ERMARD: variants seen among roughly 807,000 people sequenced by gnomAD.
ERMARD encodes endoplasmic reticulum membrane-associated RNA degradation protein.
Under a neutral mutation model 83.9 loss-of-function variants are expected in ERMARD, and 71 were observed. The observed-to-expected ratio is 0.85, with a 90% CI of 0.70 to 1.03. ERMARD has a LOEUF of 1.03. Among genes scored for constraint, ERMARD ranks in the 50% least tolerant of loss-of-function variants. ERMARD has a pLI of 0.00. For synonymous variants in ERMARD, 284 were observed against 298.6 expected, an observed-to-expected ratio of 0.95 and a Z score of 0.50; for missense variants, 838 against 810.9, an observed-to-expected ratio of 1.03 and a Z score of -0.41.
upstream of ERMARD, chr6:169,751,454 T>C: frequency 6.2e-7 from 1 of 1,613,836 alleles, no homozygotes; most frequent in Middle Eastern, 1.6e-4. Context: ...GCCTCGCTTC[T>C]CCATCTCGCT....
chr6:169,770,781 A>T (rs1028876791), intron 12 of ERMARD: 5 of 151,962 alleles, frequency 3.3e-5, no homozygotes, highest in Non-Finnish European at 7.4e-5. Flanking sequence ...CACCATATCC[A>T]GCCAAGATTA....
Position 169,756,450 on chromosome 6 carries a change from G to T in ERMARD, c.417+11G>T. The T allele has an allele frequency of 6.4e-7, 1 of 1,559,914 alleles. No individual in the cohort carries two copies. On this transcript the variant is annotated intron_variant, in intron 4 of 17. Transcript: ENST00000366773. Reference sequence around the variant, plus strand: ...CGAGCCTTGGGTGATGTAAGTGTGAGAACTCTTTCATTATTGGCCCATTAA... The same window carrying T: ...CGAGCCTTGGGTGATGTAAGTGTGATAACTCTTTCATTATTGGCCCATTAA...
At chr6:169,769,782 C>T (rs1792677308) in intron 12 of ERMARD, 69 bp downstream of exon 12, 1 of 1,362,692 alleles carries the variant, frequency 7.3e-7, no homozygotes, top group African/African-American at 1.5e-5. Context: ...GTTTATTTTT[C>T]AAATGTAATT....
intron 5 of ERMARD, among the ~76,000 whole-genome samples, chr6:169,758,378 A>T (rs1791084552): frequency 6.6e-6 from 1 of 152,100 alleles, no homozygotes; most frequent in Admixed American, 6.5e-5. Context: ...ATTTATTAGG[A>T]CGCCTGGTTG....
chr6:169,774,765 G>C (rs1793383335), intron 13 of ERMARD, among the ~76,000 whole-genome samples: 1 of 152,164 alleles, frequency 6.6e-6, no homozygotes, highest in African/African-American at 2.4e-5. Context: ...TGATGGCTGT[G>C]GTCCCCCAGG....
At position 169,779,291 on chromosome 6, in the gene ERMARD, C is replaced by G; in HGVS notation, c.1849C>G (p.Leu617Val). The G allele has an allele frequency of 1.9e-6, 3 of 1,613,692 alleles. No homozygotes were observed. In the South Asian group the frequency reaches 3.3e-5, roughly 18 times the overall value. ...GAATGCGCATGAGTATCAGCAGTACCTAAAGTAAGTGTGTCACAGTATGTC... is the reference window on the plus strand; with the variant it reads ...GAATGCGCATGAGTATCAGCAGTACGTAAAGTAAGTGTGTCACAGTATGTC... ...GKNAHEYQQY[L>V]KFVKSILQYT... Residue 617 changes from leucine to valine, a missense_variant, in exon 17 of 18, where the codon CTA becomes GTA. Physicochemically the swap from Leu to Val is conservative, Grantham distance 32. Transcript: ENST00000366773.
intron 12 of ERMARD, chr6:169,771,812 G>T (rs906449602): frequency 6.6e-6 from 1 of 152,264 alleles, no homozygotes; most frequent in Non-Finnish European, 1.5e-5. Context: ...GAGGCGGGCG[G>T]ATCACCTGAG....
Position 169,756,444 on chromosome 6 carries a change from G to A in ERMARD, c.417+5G>A. 1 of 1,578,684 alleles carries A rather than the reference G, an allele frequency of 6.3e-7. No homozygotes were observed. The highest frequency in any genetic ancestry group is 1.8e-5 in the Admixed American group (1 of 56,414). On this transcript the variant is annotated splice_donor_5th_base_variant and intron_variant, in intron 4 of 17. Transcript: ENST00000366773. ...CTAGAACGAGCCTTGGGTGATGTAA[G>A]TGTGAGAACTCTTTCATTATTGGCC...
chr6:169,776,046 G>T lies in ERMARD; in HGVS notation c.1501G>T (p.Asp501Tyr). ...PENRCVLKDL[D>Y]RLPTETWPQL... Reference sequence around the variant, plus strand: ...GAATCGTTGTGTGTTAAAGGACTTGGATCGTCTTCCTACTGAGACGTAAGT... The same window carrying T: ...GAATCGTTGTGTGTTAAAGGACTTGTATCGTCTTCCTACTGAGACGTAAGT... The change falls in exon 15 of 18, where the codon GAT becomes TAT. Residue 501 changes from aspartate to tyrosine, a missense_variant. Asp to Tyr is a radical substitution (Grantham distance 160). Coordinates refer to ENST00000366773, the MANE Select transcript of ERMARD (RefSeq NM_018341.3). 1 of 1,614,022 alleles carries T rather than the reference G, an allele frequency of 6.2e-7. No homozygotes were observed.
chr6:169,757,715 A>C (rs1452903055), intron 5 of ERMARD, among the ~76,000 whole-genome samples: 1 of 152,236 alleles, frequency 6.6e-6, no homozygotes, highest in East Asian at 1.9e-4. Flanking sequence ...TTGCCAAGCC[A>C]GGGTGCTAGA....
intron 9 of ERMARD, among the ~76,000 whole-genome samples, chr6:169,764,992 G>A (rs1376484151): frequency 6.6e-6 from 1 of 152,174 alleles, no homozygotes; most frequent in African/African-American, 2.4e-5. Flanking sequence ...GGTTCTCTGA[G>A]GCAGGCCTAC....
In ERMARD at chr6:169,769,522, C is replaced by G. The variant is rs1562338488; in HGVS notation, c.1060-18C>G. On this transcript the variant is annotated intron_variant, in intron 11 of 17. Coordinates refer to ENST00000366773, the MANE Select transcript of ERMARD (RefSeq NM_018341.3). ...TGCGGATACTAACAAAATATTTTCT[C>G]TGTTTAATTTCTGAAAGGAATTTCT... The G allele has an allele frequency of 5.7e-6, 9 of 1,590,832 alleles. No individual in the cohort carries two copies. Among genetic ancestry groups the G allele is most frequent in the Non-Finnish European group, 7.7e-6 (9 of 1,168,896 alleles).
At chr6:169,764,937 T>C (rs1446094285) in intron 9 of ERMARD, among the ~76,000 whole-genome samples, 2 of 152,266 alleles carry the variant, frequency 1.3e-5, no homozygotes, top group African/African-American at 4.8e-5. Flanking sequence ...TTGGAGGCAG[T>C]CCTGCTTTGC....
At position 169,773,329 on chromosome 6, in the gene ERMARD, C is replaced by A. The variant is rs767822428; in HGVS notation, c.1244C>A (p.Ala415Asp). The A allele has an allele frequency of 3.7e-6, 6 of 1,614,002 alleles. No individual in the cohort carries two copies. The South Asian group carries it at 5.5e-5, about 15-fold the overall frequency. ...TTTTCTCTGCACTAGGAAAAATCAG[C>A]CGTAGAATTGTTGATTAGTCTTGCA... is the stretch of plus-strand genomic sequence containing the variant. ...CLLSVFKEKS[A>D]VELLISLAEG... is the part of the protein sequence containing the mutation. The change falls in exon 13 of 18, where the codon GCC becomes GAC. Residue 415 changes from alanine to aspartate, a missense_variant. Coordinates refer to ENST00000366773, the MANE Select transcript of ERMARD (RefSeq NM_018341.3).
chr6:169,776,897 G>C (rs1793672878), intron 16 of ERMARD, among the ~76,000 whole-genome samples: 1 of 152,206 alleles, frequency 6.6e-6, no homozygotes, highest in South Asian at 2.1e-4. Flanking sequence ...GACATGCTGT[G>C]ACAGCCTCAG....
chr6:169,753,047 T>TTTGCA (rs1208129884), intron 1 of ERMARD: 2 of 152,230 alleles, frequency 1.3e-5, no homozygotes, highest in African/African-American at 2.4e-5. Flanking sequence ...GAACTGTAGA[T>TTTGCA]TTGCAGAGAA....
upstream of ERMARD, chr6:169,751,618 C>T (rs1206783827): frequency 7.0e-6 from 11 of 1,580,940 alleles, no homozygotes; most frequent in East Asian, 7.0e-5. Context: ...GCGCAGGCGC[C>T]TGCGTCATTC....
chr6:169,772,044 G>A (rs1301400568), intron 12 of ERMARD: 2 of 152,242 alleles, frequency 1.3e-5, no homozygotes, highest in Non-Finnish European at 2.9e-5. Flanking sequence ...AAAGAAATAT[G>A]TTCCACATCT....
At position 169,773,368 on chromosome 6, in the gene ERMARD, C is replaced by G. The variant is rs748650121; in HGVS notation, c.1283C>G (p.Ser428Cys). 4.3e-6 allele frequency: 7 copies of G among 1,614,178 alleles called. No individual in the cohort carries two copies. The highest frequency in any genetic ancestry group is 3.4e-6 in the Non-Finnish European group (4 of 1,180,014). Residue 428 changes from serine to cysteine, a missense_variant, in exon 13 of 18, where the codon TCT becomes TGT. Ser to Cys is a moderately radical substitution (Grantham distance 112, BLOSUM62 -1). Transcript: ENST00000366773. ...LLISLAEGYS[S>C]RCHPVFQLKK... Reference sequence around the variant, plus strand: ...ATTAGTCTTGCAGAAGGCTATAGTTCTCGCTGTCATCCGGTTTTTCAGCTT... The same window carrying G: ...ATTAGTCTTGCAGAAGGCTATAGTTGTCGCTGTCATCCGGTTTTTCAGCTT...
Sources: allele counts gnomAD v4.1 joint callset (sites outside exome capture counted in the v4.1 genomes callset), GRCh38; gene constraint gnomAD v4.1.1; transcripts MANE v1.5; gene names NCBI Gene and HGNC (gene_info 2026-07-23, HGNC 2026-07-21).